TTLL7: variants seen among roughly 807,000 people sequenced by gnomAD.
TTLL7 encodes the protein tubulin tyrosine ligase like 7, also known as tubulin polyglutamylase TTLL7.
TTLL7 carries 53 observed loss-of-function variants against 120.2 expected under a neutral mutation model. That is an observed-to-expected ratio of 0.44 (90% CI 0.35 to 0.55). The LOEUF (loss-of-function observed/expected upper bound fraction) is 0.55, where lower values mean the gene tolerates loss of function less well. Among genes scored for constraint, TTLL7 ranks in the 20% least tolerant of loss-of-function variants. The pLI is 0.00. For synonymous variants in TTLL7, 353 were observed against 351.7 expected (o/e 1.00, Z -0.04); for missense variants, 803 against 1,054.7 (o/e 0.76, Z 3.31).
At chr1:83,897,062 A>AT (rs1340392097) in intron 18 of TTLL7, among the ~76,000 whole-genome samples, 1 of 151,996 alleles carries the variant, frequency 6.6e-6, no homozygotes, top group African/African-American at 2.4e-5. Flanking sequence ...TGATCTTTAC[A>AT]TTTTACATCC....
intron 9 of TTLL7, among the ~76,000 whole-genome samples, chr1:83,932,569 G>A (rs202094446): frequency 4.6e-4 from 69 of 150,124 alleles, no homozygotes; most frequent in Middle Eastern, 3.4e-3. Context: ...ATAGGCGCGC[G>A]CACACACACA....
At chr1:83,984,890 G>A (rs934132623) in intron 1 of TTLL7, among the ~76,000 whole-genome samples, 1 of 151,858 alleles carries the variant, frequency 6.6e-6, no homozygotes, top group Non-Finnish European at 1.5e-5. Flanking sequence ...ATATACCCAG[G>A]TAACAAAACT....
At chr1:83,982,194 A>G (rs1464406715) in intron 1 of TTLL7, among the ~76,000 whole-genome samples, 5 of 152,246 alleles carry the variant, frequency 3.3e-5, no homozygotes. Context: ...TCCATGAATC[A>G]TATTTTTTTG....
At chr1:83,928,523 CA>C (rs1659326942) in intron 10 of TTLL7, among the ~76,000 whole-genome samples, 1 of 152,130 alleles carries the variant, frequency 6.6e-6, no homozygotes, top group Non-Finnish European at 1.5e-5. Context: ...ATGTACACTG[CA>C]ACCAGCCCTA....
At chr1:83,928,839 C>G (rs1163660437) in intron 10 of TTLL7, among the ~76,000 whole-genome samples, 3 of 151,862 alleles carry the variant, frequency 2.0e-5, no homozygotes, top group Non-Finnish European at 4.4e-5. Flanking sequence ...AATTTAACCT[C>G]ATTTACTGCA....
At chr1:83,972,630 CA>C (rs1163554067) in intron 1 of TTLL7, among the ~76,000 whole-genome samples, 1 of 152,056 alleles carries the variant, frequency 6.6e-6, no homozygotes. Context: ...ATAGCTGGAT[CA>C]CATGGTATGA....
At chr1:83,881,096 T>G (rs1313541811) in intron 20 of TTLL7, among the ~76,000 whole-genome samples, 1 of 150,326 alleles carries the variant, frequency 6.7e-6, no homozygotes, top group African/African-American at 2.4e-5. Context: ...TAATTCAAGA[T>G]GGATTAAAGA....
chr1:83,898,273 C>T (rs1656420038), intron 18 of TTLL7, among the ~76,000 whole-genome samples: 1 of 151,868 alleles, frequency 6.6e-6, no homozygotes, highest in South Asian at 2.1e-4. Flanking sequence ...AAATAAAATA[C>T]ATCAGAGAAA....
Position 83,952,316 on chromosome 1 carries a change from A to C in TTLL7, c.-105T>G. The C allele has an allele frequency of 3.3e-6, 4 of 1,199,858 alleles. No homozygotes were observed. The South Asian group carries it at 6.0e-5, about 18-fold the overall frequency. 74.3% of individuals were successfully genotyped at this position (1,199,858 alleles called of 1,614,324 possible). A position where few individuals can be genotyped will look rare whatever the true frequency, so the allele number is the denominator to read the frequency against. ...AGTAGGATATGGCCCCAAATCACTG[A>C]AAGTTCTTATCATATTATCTTGGTG... is the stretch of plus-strand genomic sequence containing the variant. On this transcript the variant is annotated 5_prime_UTR_variant, in exon 2 of 21. Coordinates refer to ENST00000260505, the MANE Select transcript of TTLL7 (RefSeq NM_024686.6).
rs756994708 is a variant in TTLL7 at position 83,948,603 on chromosome 1, T to C, written c.347+25A>G. On this transcript the variant is annotated intron_variant, in intron 5 of 20. Coordinates refer to ENST00000260505, the MANE Select transcript of TTLL7 (RefSeq NM_024686.6). Reference sequence around the variant, plus strand: ...TGGTATAAATTTTGAACAGGTCTTCTCCATTACAAGAAAATAAAGATTACT... The same window carrying C: ...TGGTATAAATTTTGAACAGGTCTTCCCCATTACAAGAAAATAAAGATTACT... 11 of 1,513,680 alleles carry C rather than the reference T, an allele frequency of 7.3e-6. No individual in the cohort carries two copies. In the South Asian group the frequency reaches 1.0e-4, roughly 14 times the overall value. 93.8% of individuals were successfully genotyped at this position (1,513,680 alleles called of 1,614,324 possible).
chr1:83,939,750 C>T (rs945499349), intron 7 of TTLL7, among the ~76,000 whole-genome samples: 1 of 151,994 alleles, frequency 6.6e-6, no homozygotes, highest in African/African-American at 2.4e-5. Flanking sequence ...CTTATAATCT[C>T]CTTATATGTA....
intron 13 of TTLL7, among the ~76,000 whole-genome samples, chr1:83,919,381 G>A (rs945208055): frequency 1.3e-5 from 2 of 151,096 alleles, no homozygotes; most frequent in Admixed American, 6.6e-5. Context: ...AAATAAAAAC[G>A]CTACAAACCA....
At chr1:83,992,299 A>G (rs780439610) in intron 1 of TTLL7, among the ~76,000 whole-genome samples, 3 of 152,122 alleles carry the variant, frequency 2.0e-5, no homozygotes, top group Non-Finnish European at 2.9e-5. Context: ...CAACTTGTTT[A>G]TATTTTCCAA....
intron 3 of TTLL7, 100 bp from the exon 4 acceptor site, chr1:83,950,086 A>G: frequency 2.8e-6 from 3 of 1,081,036 alleles, no homozygotes; most frequent in Non-Finnish European, 3.9e-6. Flanking sequence ...ATAGTATTTC[A>G]TTTGAAAAAT....
intron 1 of TTLL7, among the ~76,000 whole-genome samples, chr1:83,969,852 T>C (rs889023706): frequency 3.9e-5 from 6 of 152,072 alleles, no homozygotes; most frequent in Non-Finnish European, 8.8e-5. Flanking sequence ...ATGTAATTAT[T>C]TGAACAAGGA....
rs143741135 is a variant in TTLL7, at chr1:83,892,952, A to AAGAAAGAAAGAAAGAAAGAAGG, written c.2209-2472_2209-2471insCCTTCTTTCTTTCTTTCTTTCT. Among the ~76,000 whole-genome samples, 15 of 128,978 alleles carry AAGAAAGAAAGAAAGAAAGAAGG rather than the reference A, an allele frequency of 1.2e-4. 1 individual carries two copies. Among genetic ancestry groups the AAGAAAGAAAGAAAGAAAGAAGG allele is most frequent in the African/African-American group, 5.0e-4 (15 of 29,788 alleles). The allele number at this position is 128,978 out of a possible 152,430, so 84.6% of individuals were successfully genotyped here. ...AGAGAAAGAAAGAAAGAAAGAAAGA[A>AAGAAAGAAAGAAAGAAAGAAGG]AAGAATAAAAGAAAGAAAGAGAAAA... is the stretch of plus-strand genomic sequence containing the variant. On this transcript the variant is annotated intron_variant, in intron 18 of 20. Coordinates refer to ENST00000260505, the MANE Select transcript of TTLL7 (RefSeq NM_024686.6).
At chr1:83,974,860 T>C (rs1651317787) in intron 1 of TTLL7, among the ~76,000 whole-genome samples, 1 of 152,068 alleles carries the variant, frequency 6.6e-6, no homozygotes, top group African/African-American at 2.4e-5. Flanking sequence ...TAAAAATTTT[T>C]TTAAGTTTAC....
chr1:83,943,517 T>A (rs1001242494), intron 6 of TTLL7, among the ~76,000 whole-genome samples: 1 of 152,202 alleles, frequency 6.6e-6, no homozygotes, highest in South Asian at 2.1e-4. Context: ...AATTGGGAGC[T>A]TTTTTGTTGT....
intron 10 of TTLL7, among the ~76,000 whole-genome samples, chr1:83,924,251 T>C (rs893527503): frequency 2.6e-5 from 4 of 152,200 alleles, no homozygotes; most frequent in African/African-American, 7.2e-5. Context: ...AGTATGATGA[T>C]AGCACAAAGG....
Sources: gnomAD v4.1 joint callset for allele counts (sites outside exome capture counted in the v4.1 genomes callset) on GRCh38, gnomAD v4.1.1 for gene constraint, MANE v1.5 for transcripts, NCBI Gene and HGNC (gene_info 2026-07-23, HGNC 2026-07-21) for gene names.